FGD4: variants seen among roughly 807,000 people sequenced by gnomAD.
FGD4 encodes FYVE, RhoGEF and PH domain-containing protein 4.
A neutral mutation model predicts 102.0 loss-of-function variants in FGD4; 42 were observed. The ratio of observed to expected loss-of-function variants is 0.41; its 90% CI spans 0.32 to 0.53. The LOEUF (loss-of-function observed/expected upper bound fraction) is 0.53. Among genes scored for constraint, FGD4 ranks in the 20% least tolerant of loss-of-function variants. The probability of loss-of-function intolerance (pLI) is 0.21; values close to 1 mark genes in which losing one functional copy is unlikely to be tolerated. For synonymous variants in FGD4, 380 were observed against 375.7 expected, an observed-to-expected ratio of 1.01 and a Z score of -0.13; for missense variants, 902 against 1,078.2, an observed-to-expected ratio of 0.84 and a Z score of 2.29.
intron 14 of FGD4, among the ~76,000 whole-genome samples, chr12:32,632,238 T>C (rs1422719965): frequency 1.3e-5 from 2 of 152,206 alleles, no homozygotes; most frequent in Non-Finnish European, 2.9e-5. Context: ...TAAGAAGTAA[T>C]ACACATTTGC....
chr12:32,472,570 C>G (rs1159660939), intron 1 of FGD4, among the ~76,000 whole-genome samples: 1 of 152,222 alleles, frequency 6.6e-6, no homozygotes, highest in Non-Finnish European at 1.5e-5. Context: ...GCCTGAGCCT[C>G]CCACCCACTC....
At chr12:32,504,525 CCTTA>C (rs1401494373) in intron 1 of FGD4, among the ~76,000 whole-genome samples, 5 of 152,202 alleles carry the variant, frequency 3.3e-5, no homozygotes, top group African/African-American at 9.7e-5. Flanking sequence ...TTCTCACCAT[CCTTA>C]CTTGTGGGGG....
intron 1 of FGD4, among the ~76,000 whole-genome samples, chr12:32,461,492 T>G (rs551566727): frequency 1.3e-5 from 2 of 152,314 alleles, no homozygotes; most frequent in South Asian, 4.1e-4. Flanking sequence ...CTACTTCTTT[T>G]GACATGTTTT....
At chr12:32,542,681 C>T (rs189166217) in intron 1 of FGD4, among the ~76,000 whole-genome samples, 162 of 152,286 alleles carry the variant, frequency 1.1e-3, no homozygotes, top group African/African-American at 3.6e-3. Context: ...TTTTGCCTTT[C>T]GAGTTCTTTT....
rs559044261 is a variant in FGD4, at chr12:32,494,982, A to G, written c.167-69155A>G. 9.2e-5 allele frequency among the ~76,000 whole-genome samples: 14 copies of G among 152,250 alleles called. No homozygotes were observed. In the South Asian group the frequency reaches 2.9e-3, roughly 32 times the overall value. On this transcript the variant is annotated intron_variant, in intron 1 of 16. Transcript: ENST00000534526. ...GAGTGGAGCCAAGAGGTTTTTTTGTAAGAGGCTTCTGTGTTCTTGTTTTTT... is the reference window on the plus strand; with the variant it reads ...GAGTGGAGCCAAGAGGTTTTTTTGTGAGAGGCTTCTGTGTTCTTGTTTTTT...
chr12:32,587,471 A>G (rs1234442303), intron 4 of FGD4, among the ~76,000 whole-genome samples: 1 of 151,324 alleles, frequency 6.6e-6, no homozygotes. Flanking sequence ...GCTCACTACA[A>G]CCTCCACGTC....
chr12:32,490,831 C>G (rs1944062253), intron 1 of FGD4, among the ~76,000 whole-genome samples: 1 of 152,176 alleles, frequency 6.6e-6, no homozygotes, highest in African/African-American at 2.4e-5. Context: ...CCTAGCTGCA[C>G]TTTTCCCATA....
chr12:32,515,033 T>C (rs1939753747), intron 1 of FGD4, among the ~76,000 whole-genome samples: 2 of 152,168 alleles, frequency 1.3e-5, no homozygotes, highest in African/African-American at 4.8e-5. Flanking sequence ...ACTATTTTAC[T>C]CACCTTATAT....
chr12:32,463,322 C>A (rs1429272435), intron 1 of FGD4, among the ~76,000 whole-genome samples: 1 of 152,178 alleles, frequency 6.6e-6, no homozygotes, highest in African/African-American at 2.4e-5. Flanking sequence ...ATGTGGATTT[C>A]ATATTGAAGA....
intron 4 of FGD4, among the ~76,000 whole-genome samples, chr12:32,596,656 C>T (rs1353810710): frequency 6.6e-6 from 1 of 150,996 alleles, no homozygotes; most frequent in Non-Finnish European, 1.5e-5. Flanking sequence ...ATGGAAGGGG[C>T]TGGGCGCATT....
At chr12:32,482,873 A>C (rs1184232253) in intron 1 of FGD4, among the ~76,000 whole-genome samples, 1 of 152,148 alleles carries the variant, frequency 6.6e-6, no homozygotes, top group Non-Finnish European at 1.5e-5. Context: ...TGCATTCCAG[A>C]CCTGCCGTTT....
Position 32,477,647 on chromosome 12 carries a change from A to T in FGD4, c.166+77688A>T, listed in dbSNP as rs542504783. Among the ~76,000 whole-genome samples, 224 of 152,248 alleles carry T rather than the reference A, an allele frequency of 1.5e-3. 1 individual carries two copies. The highest frequency in any genetic ancestry group is 0.013 in the Admixed American group (200 of 15,306). On this transcript the variant is annotated intron_variant, in intron 1 of 16. Coordinates refer to ENST00000534526, the MANE Select transcript of FGD4 (RefSeq NM_001370298.3). ...TACCAGTGAACGGTGTATTTTTTTT[A>T]AAATAAAGCTTGTCTTATACACTAC...
chr12:32,627,312 G>A (rs1300532959), intron 14 of FGD4, among the ~76,000 whole-genome samples: 1 of 151,576 alleles, frequency 6.6e-6, no homozygotes, highest in African/African-American at 2.4e-5. Context: ...GCACCACCAC[G>A]CCTGGCTAAT....
chr12:32,640,262 TG>T lies in FGD4; in HGVS notation c.2455-13del, dbSNP rs752809655. ...TACATCACCTGCTTTTAATGTCTGATGTCTTTTCTTTAGGACGTCAGAGCCC... is the reference window on the plus strand; with the variant it reads ...TACATCACCTGCTTTTAATGTCTGATTCTTTTCTTTAGGACGTCAGAGCCC... On this transcript the variant is annotated splice_polypyrimidine_tract_variant and intron_variant, in intron 16 of 16. Transcript: ENST00000534526. 4.3e-6 allele frequency: 7 copies of T among 1,614,230 alleles called. No individual in the cohort carries two copies. Among genetic ancestry groups the T allele is most frequent in the African/African-American group, 1.3e-5 (1 of 75,064 alleles).
chr12:32,600,422 A>G, intron 5 of FGD4: 1 of 1,287,026 alleles, frequency 7.8e-7, no homozygotes, highest in South Asian at 1.2e-5. Flanking sequence ...AATAGAGTGG[A>G]GGTGAATTTA....
At chr12:32,629,569 G>A (rs1950375559) in intron 14 of FGD4, among the ~76,000 whole-genome samples, 2 of 152,004 alleles carry the variant, frequency 1.3e-5, no homozygotes, top group South Asian at 4.2e-4. Flanking sequence ...CTCCCTGTGG[G>A]ATTCAATTCA....
At chr12:32,640,152 A>G (rs979506750) in intron 16 of FGD4, 124 bp from the exon 17 acceptor site, 1 of 1,444,568 alleles carries the variant, frequency 6.9e-7, no homozygotes, top group African/African-American at 1.4e-5. Flanking sequence ...CTCTGTGCCC[A>G]TGGAGAACTC....
At chr12:32,612,608 T>C (rs1949213713) in intron 10 of FGD4, among the ~76,000 whole-genome samples, 2 of 152,206 alleles carry the variant, frequency 1.3e-5, no homozygotes. Context: ...TTGTTTCAGA[T>C]TTTCTCTTTC....
chr12:32,410,056 C>T (rs1034636179), intron 1 of FGD4, among the ~76,000 whole-genome samples: 1 of 149,844 alleles, frequency 6.7e-6, no homozygotes, highest in African/African-American at 2.5e-5. Flanking sequence ...GGACCTGGTG[C>T]GGTGGCTCAC....
Sources: gnomAD v4.1 joint callset for allele counts (sites outside exome capture counted in the v4.1 genomes callset) on GRCh38, gnomAD v4.1.1 for gene constraint, MANE v1.5 for transcripts, NCBI Gene and HGNC (gene_info 2026-07-23, HGNC 2026-07-21) for gene names.